The following THSD7B variants were observed in gnomAD, a reference collection of about 807,000 sequenced individuals.
The protein encoded by THSD7B is thrombospondin type-1 domain-containing protein 7B.
A neutral mutation model predicts 213.6 loss-of-function variants in THSD7B; 138 were observed. The ratio of observed to expected loss-of-function variants is 0.65; its 90% CI spans 0.56 to 0.74. The LOEUF (loss-of-function observed/expected upper bound fraction) is 0.74, where lower values mean the gene tolerates loss of function less well. Ranked by LOEUF, THSD7B falls within the 30% of genes least tolerant of loss-of-function variation. THSD7B has a pLI of 0.00. For missense variants in THSD7B, 1,931 were observed against 1,991.5 expected, an observed-to-expected ratio of 0.97 and a Z score of 0.58; for synonymous variants, 742 against 687.0, an observed-to-expected ratio of 1.08 and a Z score of -1.25.
At chr2:137,635,140 C>T (rs1203147191) in intron 20 of THSD7B, among the ~76,000 whole-genome samples, 1 of 152,014 alleles carries the variant, frequency 6.6e-6, no homozygotes, top group Non-Finnish European at 1.5e-5. Context: ...GCAAATTTAC[C>T]CTACTATGAT....
chr2:137,015,043 C>T (rs1054533374), intron 2 of THSD7B, among the ~76,000 whole-genome samples: 1 of 152,032 alleles, frequency 6.6e-6, no homozygotes, highest in Non-Finnish European at 1.5e-5. Flanking sequence ...TCATTTTTGT[C>T]TCATATCCCC....
chr2:137,415,543 G>A (rs77701139), intron 14 of THSD7B, among the ~76,000 whole-genome samples: 67 of 152,052 alleles, frequency 4.4e-4, no homozygotes, highest in African/African-American at 1.4e-3. Context: ...GCATGGTGTC[G>A]TCTCCATCTG....
chr2:137,131,052 C>A (rs1037836924), intron 5 of THSD7B, among the ~76,000 whole-genome samples: 5 of 143,594 alleles, frequency 3.5e-5, no homozygotes. Context: ...TGTTTCCTGA[C>A]TTTTTAATGA....
At chr2:137,395,366 G>C (rs556865142) in intron 12 of THSD7B, among the ~76,000 whole-genome samples, 2 of 150,556 alleles carry the variant, frequency 1.3e-5, no homozygotes, top group African/African-American at 4.9e-5. Context: ...AGAGTTTTTA[G>C]CATGAAGGGT....
At position 137,115,117 on chromosome 2, in the gene THSD7B, C is replaced by G. The variant is rs375765883; in HGVS notation, c.1200-7C>G. 2.5e-6 allele frequency: 4 copies of G among 1,613,836 alleles called. No individual in the cohort carries two copies. Among genetic ancestry groups the G allele is most frequent in the East Asian group, 2.2e-5 (1 of 44,868 alleles). On this transcript the variant is annotated splice_polypyrimidine_tract_variant and splice_region_variant and intron_variant, in intron 4 of 27. Coordinates refer to ENST00000409968, the MANE Select transcript of THSD7B (RefSeq NM_001316349.2). ...TCTTCTTCTTTTAAATAAACCAAAC[C>G]AAACAGGTATTCCTGGAGAACTTCT...
At chr2:137,167,279 C>T (rs990602288) in intron 6 of THSD7B, among the ~76,000 whole-genome samples, 5 of 152,150 alleles carry the variant, frequency 3.3e-5, no homozygotes, top group South Asian at 2.1e-4. Context: ...TCTCGTCTCA[C>T]GGCAACCTCC....
intron 7 of THSD7B, among the ~76,000 whole-genome samples, chr2:137,184,500 A>C (rs965125564): frequency 6.6e-6 from 1 of 152,152 alleles, no homozygotes; most frequent in Non-Finnish European, 1.5e-5. Flanking sequence ...CCTGAATCCT[A>C]GGATTCTATG....
intron 1 of THSD7B, among the ~76,000 whole-genome samples, chr2:136,877,846 G>C (rs1384741022): frequency 6.6e-6 from 1 of 151,976 alleles, no homozygotes; most frequent in African/African-American, 2.4e-5. Context: ...AAAAAAGAAG[G>C]CAAAAACTGT....
At chr2:136,947,242 A>C (rs1684958981) in intron 2 of THSD7B, among the ~76,000 whole-genome samples, 2 of 152,196 alleles carry the variant, frequency 1.3e-5, no homozygotes, top group Admixed American at 6.5e-5. Context: ...GCTATTCCAC[A>C]TTGAAAGGCA....
At chr2:136,877,642 G>T (rs1683546058) in intron 1 of THSD7B, among the ~76,000 whole-genome samples, 1 of 152,132 alleles carries the variant, frequency 6.6e-6, no homozygotes, top group African/African-American at 2.4e-5. Context: ...AATTTTTACT[G>T]ATTTGTACTT....
intron 2 of THSD7B, among the ~76,000 whole-genome samples, chr2:136,989,640 G>T (rs1685731349): frequency 1.3e-5 from 2 of 152,162 alleles, no homozygotes; most frequent in South Asian, 4.1e-4. Flanking sequence ...AACTAACACA[G>T]TATGTTCCAA....
At chr2:137,530,452 T>C (rs1680375870) in intron 15 of THSD7B, among the ~76,000 whole-genome samples, 1 of 151,990 alleles carries the variant, frequency 6.6e-6, no homozygotes, top group Non-Finnish European at 1.5e-5. Context: ...GAAATGGGAC[T>C]AAACCACAAT....
At chr2:137,210,246 C>T (rs564947076) in intron 7 of THSD7B, among the ~76,000 whole-genome samples, 7 of 152,148 alleles carry the variant, frequency 4.6e-5, no homozygotes, top group Admixed American at 3.3e-4. Flanking sequence ...GGTTCTTTAT[C>T]ATCTATCAAG....
rs374903386 is a variant in THSD7B at position 137,529,353 on chromosome 2, G to T, written c.3139-33868G>T. ...CAAAGGCAAGGTAGAGATTTTCAAG[G>T]CAGTCAGGGAACTAGCTCTTTCACC... is the stretch of plus-strand genomic sequence containing the variant. On this transcript the variant is annotated intron_variant, in intron 15 of 27. Transcript: ENST00000409968. Among the ~76,000 whole-genome samples the T allele has an allele frequency of 1.2e-3, 179 of 152,120 alleles. 8 individuals are homozygous for T. In the South Asian group the frequency reaches 0.036, roughly 31 times the overall value.
chr2:137,547,875 A>G (rs2105202267), intron 15 of THSD7B, among the ~76,000 whole-genome samples: 1 of 152,020 alleles, frequency 6.6e-6, no homozygotes, highest in Admixed American at 6.6e-5. Flanking sequence ...CGTAGCTCTC[A>G]CTGCATGATA....
chr2:137,180,156 T>C lies in THSD7B; in HGVS notation c.1723+9218T>C, dbSNP rs533747454. Among the ~76,000 whole-genome samples the C allele has an allele frequency of 5.9e-5, 9 of 152,286 alleles. No homozygotes were observed. The East Asian group carries it at 1.4e-3, about 23-fold the overall frequency. On this transcript the variant is annotated intron_variant, in intron 7 of 27. Coordinates refer to ENST00000409968, the MANE Select transcript of THSD7B (RefSeq NM_001316349.2). ...TGATCCATCTTATTATAACAGGATA[T>C]GTAGCTTCAGGATAAAGGCATTACT... is the stretch of plus-strand genomic sequence containing the variant.
At chr2:137,551,168 C>A (rs1680840347) in intron 15 of THSD7B, among the ~76,000 whole-genome samples, 1 of 151,942 alleles carries the variant, frequency 6.6e-6, no homozygotes, top group African/African-American at 2.4e-5. Context: ...CTCTGAAGGT[C>A]TGTTATATGC....
chr2:137,569,889 T>C (rs1681318514), intron 16 of THSD7B, among the ~76,000 whole-genome samples: 1 of 152,076 alleles, frequency 6.6e-6, no homozygotes, highest in Non-Finnish European at 1.5e-5. Context: ...GAGACTAATA[T>C]GTACATTCAC....
At chr2:136,908,403 C>T (rs531250192) in intron 2 of THSD7B, among the ~76,000 whole-genome samples, 2 of 152,208 alleles carry the variant, frequency 1.3e-5, no homozygotes, top group East Asian at 1.9e-4. Context: ...GAAACTAAGT[C>T]ACGTAGTGAA....
Sources: gnomAD v4.1 joint callset for allele counts (sites outside exome capture counted in the v4.1 genomes callset) on GRCh38, gnomAD v4.1.1 for gene constraint, MANE v1.5 for transcripts, NCBI Gene and HGNC (gene_info 2026-07-23, HGNC 2026-07-21) for gene names.